Variants in CNTNAP2 observed in about 807,000 individuals in gnomAD.
CNTNAP2 encodes contactin associated protein 2, also known as contactin-associated protein-like 2.
In CNTNAP2, 98 loss-of-function variants were observed where a neutral mutation model predicts 155.2. That is an observed-to-expected ratio of 0.63 (90% CI 0.54 to 0.75). The LOEUF is 0.75. Ranked by LOEUF, CNTNAP2 falls within the 30% of genes least tolerant of loss-of-function variation. The pLI is 0.00. For synonymous variants in CNTNAP2, 651 were observed against 631.2 expected (o/e 1.03, Z -0.47); for missense variants, 1,727 against 1,688.1 (o/e 1.02, Z -0.40).
At chr7:146,230,276 A>G (rs1366264745) in intron 1 of CNTNAP2, among the ~76,000 whole-genome samples, 1 of 152,200 alleles carries the variant, frequency 6.6e-6, no homozygotes, top group Non-Finnish European at 1.5e-5. Flanking sequence ...TGTCAAAAGA[A>G]TTCTGCTCCA....
intron 4 of CNTNAP2, among the ~76,000 whole-genome samples, chr7:147,082,381 C>A (rs941466590): frequency 1.3e-5 from 2 of 152,092 alleles, no homozygotes; most frequent in South Asian, 2.1e-4. Context: ...GAGAACAGAG[C>A]CAAAATGGGC....
intron 4 of CNTNAP2, among the ~76,000 whole-genome samples, chr7:147,095,164 C>A (rs992027158): frequency 1.3e-5 from 2 of 150,528 alleles, no homozygotes; most frequent in Non-Finnish European, 2.9e-5. Context: ...GGACTATAGG[C>A]ATGCACCACC....
chr7:148,058,796 T>C (rs985381604), intron 15 of CNTNAP2, among the ~76,000 whole-genome samples: 9 of 152,196 alleles, frequency 5.9e-5, no homozygotes, highest in African/African-American at 2.2e-4. Flanking sequence ...TTGTTTGTTT[T>C]TAGCGTTGTA....
rs754697773 is a variant in CNTNAP2, at chr7:148,172,287, T to C, written c.2819T>C (p.Leu940Ser). 5.0e-6 allele frequency: 8 copies of C among 1,614,084 alleles called. No homozygotes were observed. The highest frequency in any genetic ancestry group is 6.8e-6 in the Non-Finnish European group (8 of 1,180,012). ...QQGFLGCIRS[L>S]RMNGVTLDLE... is the part of the protein sequence containing the mutation. Reference sequence around the variant, plus strand: ...GGCTTCCTGGGCTGCATCCGCTCCTTGAGGATGAATGGGGTGACACTTGAC... The same window carrying C: ...GGCTTCCTGGGCTGCATCCGCTCCTCGAGGATGAATGGGGTGACACTTGAC... The change falls in exon 18 of 24, where the codon TTG (leucine) becomes TCG (serine). Residue 940 changes from leucine (L) to serine (S), a missense_variant. By Grantham distance (145) the Leu-to-Ser change is moderately radical. Coordinates refer to ENST00000361727, the MANE Select transcript of CNTNAP2 (RefSeq NM_014141.6).
chr7:147,280,655 A>G (rs1034787001), intron 8 of CNTNAP2, among the ~76,000 whole-genome samples: 17 of 151,930 alleles, frequency 1.1e-4, no homozygotes, highest in African/African-American at 3.4e-4. Context: ...GAAGCTATTC[A>G]TTGCTTAATA....
At chr7:147,715,927 C>T (rs144942587) in intron 13 of CNTNAP2, among the ~76,000 whole-genome samples, 2,515 of 152,254 alleles carry the variant, frequency 0.017, 225 homozygotes, top group Admixed American at 0.15. Context: ...TAGCTATTTG[C>T]CTATAAATCA....
chr7:147,727,210 A>T (rs1554427127), intron 13 of CNTNAP2, among the ~76,000 whole-genome samples: 1 of 152,024 alleles, frequency 6.6e-6, no homozygotes, highest in Middle Eastern at 3.4e-3. Flanking sequence ...TGGACCTTTC[A>T]TCTCTGTCTT....
intron 14 of CNTNAP2, among the ~76,000 whole-genome samples, chr7:147,963,842 C>T (rs770328016): frequency 7.9e-5 from 12 of 152,130 alleles, no homozygotes; most frequent in Non-Finnish European, 1.8e-4. Context: ...AATTATCACC[C>T]AGATCCCTTG....
intron 8 of CNTNAP2, among the ~76,000 whole-genome samples, chr7:147,273,435 T>C (rs1310162086): frequency 2.0e-5 from 3 of 152,052 alleles, no homozygotes; most frequent in Admixed American, 6.5e-5. Flanking sequence ...ATGGTGAAAT[T>C]TGGGCTACTA....
intron 11 of CNTNAP2, among the ~76,000 whole-genome samples, chr7:147,535,229 C>T (rs1799518067): frequency 1.3e-5 from 2 of 152,036 alleles, no homozygotes; most frequent in African/African-American, 2.4e-5. Context: ...CCCGTCTCTA[C>T]TAAAAATACA....
chr7:146,441,235 A>AT (rs1364778816), intron 1 of CNTNAP2, among the ~76,000 whole-genome samples: 1 of 151,532 alleles, frequency 6.6e-6, no homozygotes, highest in Admixed American at 6.6e-5. Context: ...CGTGAAAAAA[A>AT]TTTTCTCTGG....
intron 3 of CNTNAP2, among the ~76,000 whole-genome samples, chr7:146,903,138 T>C (rs10081214): frequency 0.033 from 5,091 of 152,300 alleles, 262 homozygotes; most frequent in African/African-American, 0.12. Flanking sequence ...AGGGTATTGT[T>C]CAGTTCAGGT....
intron 1 of CNTNAP2, among the ~76,000 whole-genome samples, chr7:146,319,232 T>C (rs1194351416): frequency 6.6e-6 from 1 of 152,184 alleles, no homozygotes; most frequent in East Asian, 1.9e-4. Context: ...TTTTTCCTTC[T>C]CAGCATGCAT....
chr7:146,871,344 A>T (rs1795302419), intron 3 of CNTNAP2, among the ~76,000 whole-genome samples: 1 of 152,100 alleles, frequency 6.6e-6, no homozygotes, highest in South Asian at 2.1e-4. Flanking sequence ...CAGCCTGGCT[A>T]AAATGATGAA....
intron 2 of CNTNAP2, among the ~76,000 whole-genome samples, chr7:146,786,364 T>G (rs1158317178): frequency 6.6e-6 from 1 of 152,242 alleles, no homozygotes; most frequent in Admixed American, 6.5e-5. Context: ...GAACAGACCC[T>G]TCTCTTAATA....
chr7:147,385,127 T>A (rs890832629), intron 9 of CNTNAP2, among the ~76,000 whole-genome samples: 1 of 152,120 alleles, frequency 6.6e-6, no homozygotes, highest in Non-Finnish European at 1.5e-5. Context: ...TTCACTATCA[T>A]GAGAACAGCA....
chr7:147,894,793 G>A (rs1799749469), intron 13 of CNTNAP2, among the ~76,000 whole-genome samples: 1 of 151,846 alleles, frequency 6.6e-6, no homozygotes, highest in Non-Finnish European at 1.5e-5. Flanking sequence ...ACTCTGTGTA[G>A]CCCAGAAGTT....
intron 16 of CNTNAP2, among the ~76,000 whole-genome samples, chr7:148,131,671 G>A (rs1331752262): frequency 6.6e-6 from 1 of 152,118 alleles, no homozygotes; most frequent in Non-Finnish European, 1.5e-5. Context: ...ATTATAATAA[G>A]GTTAGAGACT....
intron 10 of CNTNAP2, among the ~76,000 whole-genome samples, chr7:147,414,393 C>T (rs1797152903): frequency 6.8e-6 from 1 of 146,936 alleles, no homozygotes; most frequent in African/African-American, 2.6e-5. Context: ...TATTGCACTC[C>T]AGTCTGGGCA....
Sources: gnomAD v4.1 joint callset for allele counts (sites outside exome capture counted in the v4.1 genomes callset) on GRCh38, gnomAD v4.1.1 for gene constraint, MANE v1.5 for transcripts, NCBI Gene and HGNC (gene_info 2026-07-23, HGNC 2026-07-21) for gene names.